FAM91A1: variants seen among roughly 807,000 people sequenced by gnomAD.
FAM91A1 encodes the protein protein FAM91A1.
FAM91A1 carries 41 observed loss-of-function variants against 113.5 expected under a neutral mutation model. The observed-to-expected ratio is 0.36, with a 90% CI of 0.28 to 0.47. The LOEUF is 0.47. Ranked by LOEUF, FAM91A1 falls within the 20% of genes least tolerant of loss-of-function variation. FAM91A1 has a pLI of 1.00. For missense variants in FAM91A1, 696 were observed against 1,001.2 expected (o/e 0.70, Z 4.11); for synonymous variants, 307 against 347.9 (o/e 0.88, Z 1.31).
At chr8:123,770,559 C>T (rs1814814756) in intron 1 of FAM91A1, among the ~76,000 whole-genome samples, 1 of 152,024 alleles carries the variant, frequency 6.6e-6, no homozygotes, top group Non-Finnish European at 1.5e-5. Context: ...TGTGGCAAAT[C>T]CAAAGACACA....
At chr8:123,796,546 G>A (rs376300594) in intron 15 of FAM91A1, among the ~76,000 whole-genome samples, 200 of 147,470 alleles carry the variant, frequency 1.4e-3, no homozygotes, top group African/African-American at 4.7e-3. Flanking sequence ...TGTGACCTCC[G>A]CCTCCCGGGT....
chr8:123,788,364 T>A, intron 14 of FAM91A1: 1 of 554,010 alleles, frequency 1.8e-6, no homozygotes, highest in Non-Finnish European at 2.3e-6. Flanking sequence ...TTTGTGTGCC[T>A]AATCTGTTCC....
chr8:123,814,387 CTTTG>C lies in FAM91A1; in HGVS notation c.*1688_*1691del, dbSNP rs967479533. Reference sequence around the variant, plus strand: ...GGCTCTTTAATCTCATTTTAATTTCCTTTGTTTGAACTGTAGTTATTTTATTTAT... The same window carrying C: ...GGCTCTTTAATCTCATTTTAATTTCCTTTGAACTGTAGTTATTTTATTTAT... On this transcript the variant is annotated 3_prime_UTR_variant, in exon 24 of 24. Coordinates refer to ENST00000334705, the MANE Select transcript of FAM91A1 (RefSeq NM_144963.4). The C allele has an allele frequency of 2.6e-4, 54 of 206,446 alleles. No individual in the cohort carries two copies. The highest frequency in any genetic ancestry group is 1.8e-3 in the Middle Eastern group (1 of 550). 12.8% of individuals were successfully genotyped at this position (206,446 alleles called of 1,614,324 possible). A position where few individuals can be genotyped will look rare whatever the true frequency, so the allele number is the denominator to read the frequency against.
In FAM91A1 at chr8:123,789,594, C is replaced by G. The variant is rs1483549350; in HGVS notation, c.1279-19C>G. 1.2e-6 allele frequency: 2 copies of G among 1,611,010 alleles called. No individual in the cohort carries two copies. The highest frequency in any genetic ancestry group is 1.1e-5 in the South Asian group (1 of 90,736). On this transcript the variant is annotated intron_variant, in intron 14 of 23. Transcript: ENST00000334705. ...AAAAGTGGTATTTTTGTTGCAAAAT[C>G]TATTTTCTCTTGGTTTAGGTTCAGA...
chr8:123,769,781 G>T (rs939540808), intron 1 of FAM91A1, among the ~76,000 whole-genome samples: 3 of 152,122 alleles, frequency 2.0e-5, no homozygotes. Flanking sequence ...CGAAAGTAGT[G>T]ATATGGGCTA....
intron 2 of FAM91A1, among the ~76,000 whole-genome samples, chr8:123,774,660 A>T (rs1303220688): frequency 6.6e-6 from 1 of 151,340 alleles, no homozygotes; most frequent in Non-Finnish European, 1.5e-5. Flanking sequence ...GTAGTCTTTC[A>T]CTCCTGTTTG....
At chr8:123,792,968 A>T (rs1815423880) in intron 15 of FAM91A1, among the ~76,000 whole-genome samples, 1 of 152,156 alleles carries the variant, frequency 6.6e-6, no homozygotes, top group Admixed American at 6.5e-5. Flanking sequence ...TGTTAGCCAA[A>T]GCTTGTTTAA....
intron 1 of FAM91A1, among the ~76,000 whole-genome samples, chr8:123,769,191 A>C (rs545802042): frequency 5.1e-4 from 77 of 152,344 alleles, no homozygotes; most frequent in African/African-American, 1.7e-3. Context: ...AGAGGGAGGG[A>C]GAAATTATCC....
chr8:123,778,750 A>C lies in FAM91A1; in HGVS notation c.527A>C (p.Tyr176Ser), dbSNP rs765300767. Reference sequence around the variant, plus strand: ...GCGTGGTGGGTGGTGCAGGCTGGCTATATCACAGAAGATGACATCAAGGTA... The same window carrying C: ...GCGTGGTGGGTGGTGCAGGCTGGCTCTATCACAGAAGATGACATCAAGGTA... Reference protein sequence around the residue: ...IEAWWVVQAGYITEDDIKICT... With the variant: ...IEAWWVVQAGSITEDDIKICT... Residue 176 changes from tyrosine to serine, a missense_variant, in exon 6 of 24, where the codon TAT becomes TCT. By Grantham distance (144) the Tyr-to-Ser change is moderately radical. Transcript: ENST00000334705. 2 of 1,575,802 alleles carry C rather than the reference A, an allele frequency of 1.3e-6. No homozygotes were observed. Among genetic ancestry groups the C allele is most frequent in the Admixed American group, 1.8e-5 (1 of 56,270 alleles).
chr8:123,780,957 C>T (rs1020800106), intron 8 of FAM91A1, among the ~76,000 whole-genome samples: 2 of 152,036 alleles, frequency 1.3e-5, no homozygotes, highest in African/African-American at 4.8e-5. Context: ...TCCCTTCTTC[C>T]TTTACCTACT....
At chr8:123,807,267 C>T (rs1347668991) in intron 20 of FAM91A1, among the ~76,000 whole-genome samples, 3 of 152,060 alleles carry the variant, frequency 2.0e-5, no homozygotes, top group Non-Finnish European at 4.4e-5. Flanking sequence ...CAAAGCGTAT[C>T]TACTACAGCT....
chr8:123,787,596 A>G, intron 13 of FAM91A1, 68 bp from the exon 14 acceptor site: 1 of 1,277,078 alleles, frequency 7.8e-7, no homozygotes, highest in Non-Finnish European at 1.1e-6. Flanking sequence ...GATAATATAA[A>G]TATTTGATAG....
At chr8:123,777,437 C>A (rs2130054819) in intron 4 of FAM91A1, 115 bp downstream of exon 4, 3 of 871,466 alleles carry the variant, frequency 3.4e-6, no homozygotes, top group Non-Finnish European at 5.4e-6. Context: ...AAAATGAGAA[C>A]AGTAAGCAAC....
chr8:123,799,913 CT>C (rs1451271294), intron 18 of FAM91A1, 28 bp downstream of exon 18: 1 of 1,525,414 alleles, frequency 6.6e-7, no homozygotes, highest in Non-Finnish European at 8.9e-7. Context: ...GAAATTTTGT[CT>C]TTTTATTATA....
intron 18 of FAM91A1, among the ~76,000 whole-genome samples, 165 bp downstream of exon 18, chr8:123,800,050 G>A (rs560592848): frequency 1.1e-4 from 16 of 152,310 alleles, no homozygotes; most frequent in African/African-American, 3.6e-4. Context: ...GGCAGTGTGG[G>A]AGTGGTAGAA....
rs1004728513 is a variant in FAM91A1, at chr8:123,786,475, A to C, written c.963-20A>C. 2 of 1,533,974 alleles carry C rather than the reference A, an allele frequency of 1.3e-6. No homozygotes were observed. Among genetic ancestry groups the C allele is most frequent in the Non-Finnish European group, 1.8e-6 (2 of 1,109,032 alleles). ...TCATTTATATGATTTTTAAAAAGCAAATGCATTCTTCATTAATAGGAGTAC... is the reference window on the plus strand; with the variant it reads ...TCATTTATATGATTTTTAAAAAGCACATGCATTCTTCATTAATAGGAGTAC... On this transcript the variant is annotated intron_variant, in intron 11 of 23. Transcript: ENST00000334705.
chr8:123,807,517 A>G (rs1815842345), intron 20 of FAM91A1, among the ~76,000 whole-genome samples: 1 of 151,720 alleles, frequency 6.6e-6, no homozygotes, highest in Admixed American at 6.6e-5. Context: ...CAAAAAAGAC[A>G]ATGTTGTTCC....
chr8:123,782,001 T>C (rs1378757741), intron 8 of FAM91A1, among the ~76,000 whole-genome samples: 2 of 152,222 alleles, frequency 1.3e-5, no homozygotes, highest in Non-Finnish European at 2.9e-5. Context: ...TAAGCTGACG[T>C]TGATTCATTT....
chr8:123,811,758 A>ACAC (rs1815960685), intron 23 of FAM91A1, among the ~76,000 whole-genome samples: 1 of 152,246 alleles, frequency 6.6e-6, no homozygotes, highest in East Asian at 1.9e-4. Flanking sequence ...AGATAGGTGG[A>ACAC]TGTTTGAGCA....
Sources: allele counts gnomAD v4.1 joint callset (sites outside exome capture counted in the v4.1 genomes callset), GRCh38; gene constraint gnomAD v4.1.1; transcripts MANE v1.5; gene names NCBI Gene and HGNC (gene_info 2026-07-23, HGNC 2026-07-21).